The following HNRNPR variants were observed in gnomAD, a reference collection of about 807,000 sequenced individuals.
HNRNPR encodes the protein heterogeneous nuclear ribonucleoprotein R.
In HNRNPR, 4 loss-of-function variants were observed where a neutral mutation model predicts 70.3. The observed-to-expected ratio is 0.06, with a 90% CI of 0.03 to 0.13. The LOEUF is 0.13. Ranked by LOEUF, HNRNPR falls within the 10% of genes least tolerant of loss-of-function variation. The pLI is 1.00. For synonymous variants in HNRNPR, 241 were observed against 267.6 expected, an observed-to-expected ratio of 0.90 and a Z score of 0.97; for missense variants, 423 against 788.5, an observed-to-expected ratio of 0.54 and a Z score of 5.55.
rs1645224692 is a variant in HNRNPR at position 23,307,756 on chromosome 1, C to G, written c.*2698G>C. The G allele has an allele frequency of 6.6e-6, 1 of 151,952 alleles. No individual in the cohort carries two copies. The highest frequency in any genetic ancestry group is 1.5e-5 in the Non-Finnish European group (1 of 67,910). 9.4% of individuals were successfully genotyped at this position (151,952 alleles called of 1,614,324 possible). A position where few individuals can be genotyped will look rare whatever the true frequency, so the allele number is the denominator to read the frequency against. ...TGTATCGGTCTCACCAGGGTACCTA[C>G]AAAGAATAGCTCTATACCTCAATAT... On this transcript the variant is annotated 3_prime_UTR_variant, in exon 11 of 11. Coordinates refer to ENST00000302271, the MANE Select transcript of HNRNPR (RefSeq NM_005826.5).
At chr1:23,315,902 T>C (rs1385902048) in intron 8 of HNRNPR, among the ~76,000 whole-genome samples, 5 of 152,296 alleles carry the variant, frequency 3.3e-5, no homozygotes, top group South Asian at 4.1e-4. Flanking sequence ...ACTGGTTTAG[T>C]TGCTTTTTAA....
At chr1:23,327,995 CAAAAA>C (rs11345105) in intron 5 of HNRNPR, among the ~76,000 whole-genome samples, 1 of 118,762 alleles carries the variant, frequency 8.4e-6, no homozygotes, top group African/African-American at 3.2e-5. Flanking sequence ...GACTCTGTCT[CAAAAA>C]AAAAAAAAAA....
rs530979467 is a variant in HNRNPR at position 23,305,417 on chromosome 1, G to T, written c.*5037C>A. 1 of 152,116 alleles carries T rather than the reference G, an allele frequency of 6.6e-6. No individual in the cohort carries two copies. Among genetic ancestry groups the T allele is most frequent in the South Asian group, 2.1e-4 (1 of 4,828 alleles). 9.4% of individuals were successfully genotyped at this position (152,116 alleles called of 1,614,324 possible). On this transcript the variant is annotated 3_prime_UTR_variant, in exon 11 of 11. Coordinates refer to ENST00000302271, the MANE Select transcript of HNRNPR (RefSeq NM_005826.5). ...GTCTATAGCAAACTTACAAGTAAGG[G>T]TTTATATTCATGACACTGACTAGCA...
chr1:23,335,056 T>C (rs1646412004), intron 4 of HNRNPR, among the ~76,000 whole-genome samples: 1 of 152,154 alleles, frequency 6.6e-6, no homozygotes, highest in Non-Finnish European at 1.5e-5. Flanking sequence ...TAGCTGGGAC[T>C]ACAGGCGCCT....
chr1:23,330,292 T>G (rs964193792), intron 5 of HNRNPR, among the ~76,000 whole-genome samples: 1 of 150,550 alleles, frequency 6.6e-6, no homozygotes, highest in Non-Finnish European at 1.5e-5. Context: ...ATCCCAGCAC[T>G]TTGGGAGGCC....
intron 8 of HNRNPR, 38 bp from the exon 9 acceptor site, chr1:23,313,740 C>A (rs1443743470): frequency 6.3e-7 from 1 of 1,582,222 alleles, no homozygotes; most frequent in African/African-American, 1.4e-5. Flanking sequence ...TCATTGGCTA[C>A]TTAATTTTAC....
At chr1:23,324,623 T>G (rs1645891229) in intron 5 of HNRNPR, among the ~76,000 whole-genome samples, 1 of 152,096 alleles carries the variant, frequency 6.6e-6, no homozygotes, top group Non-Finnish European at 1.5e-5. Context: ...GAAACTCCAG[T>G]GCTTCAATCT....
chr1:23,316,417 C>G (rs1300371344), intron 8 of HNRNPR, among the ~76,000 whole-genome samples: 6 of 152,052 alleles, frequency 3.9e-5, no homozygotes, highest in Admixed American at 3.9e-4. Flanking sequence ...AAAGGAGTTA[C>G]CAGAATGAAA....
chr1:23,313,732 A>C, intron 8 of HNRNPR, 30 bp from the exon 9 acceptor site: 1 of 1,589,780 alleles, frequency 6.3e-7, no homozygotes, highest in Non-Finnish European at 8.5e-7. Flanking sequence ...CAAAACCGTC[A>C]TTGGCTACTT....
intron 4 of HNRNPR, among the ~76,000 whole-genome samples, chr1:23,336,440 C>T (rs886183739): frequency 1.5e-4 from 22 of 151,698 alleles, no homozygotes; most frequent in Non-Finnish European, 2.5e-4. Context: ...GGCATGGTAG[C>T]AGGCACCTGT....
rs994551685 is a variant in HNRNPR at position 23,308,462 on chromosome 1, T to C, written c.*1992A>G. The C allele has an allele frequency of 4.6e-5, 7 of 152,218 alleles. No homozygotes were observed. The East Asian group carries it at 1.3e-3, about 29-fold the overall frequency. 9.4% of individuals were successfully genotyped at this position (152,218 alleles called of 1,614,324 possible). Reference sequence around the variant, plus strand: ...TACTTAAGTCTAATTAGATGTATAGTTACAACTTCAAATTGTACTTTCAAA... The same window carrying C: ...TACTTAAGTCTAATTAGATGTATAGCTACAACTTCAAATTGTACTTTCAAA... On this transcript the variant is annotated 3_prime_UTR_variant, in exon 11 of 11. Coordinates refer to ENST00000302271, the MANE Select transcript of HNRNPR (RefSeq NM_005826.5).
intron 10 of HNRNPR, 23 bp downstream of exon 10, chr1:23,311,178 T>C (rs556295229): frequency 6.2e-7 from 1 of 1,613,062 alleles, no homozygotes; most frequent in African/African-American, 1.3e-5. Context: ...TCCAAAGATA[T>C]ATCTACTAAA....
intron 4 of HNRNPR, among the ~76,000 whole-genome samples, chr1:23,336,053 C>A (rs1646464731): frequency 2.1e-5 from 3 of 139,576 alleles, no homozygotes; most frequent in Non-Finnish European, 3.1e-5. Flanking sequence ...GGAGGCGGAG[C>A]TTGCAGTGAG....
At position 23,323,496 on chromosome 1, in the gene HNRNPR, G is replaced by T. The variant is rs935414018; in HGVS notation, c.675+60C>A. 24 of 1,451,232 alleles carry T rather than the reference G, an allele frequency of 1.7e-5. No individual in the cohort carries two copies. The African/African-American group carries it at 2.3e-4, about 14-fold the overall frequency. 89.9% of individuals were successfully genotyped at this position (1,451,232 alleles called of 1,614,324 possible). A position where few individuals can be genotyped will look rare whatever the true frequency, so the allele number is the denominator to read the frequency against. On this transcript the variant is annotated intron_variant, in intron 6 of 10. Coordinates refer to ENST00000302271, the MANE Select transcript of HNRNPR (RefSeq NM_005826.5). Reference sequence around the variant, plus strand: ...AATAATGTTAACTACAAACATTTTTGAATTAAAGTTTATTTCCTCAAATAG... The same window carrying T: ...AATAATGTTAACTACAAACATTTTTTAATTAAAGTTTATTTCCTCAAATAG...
chr1:23,340,161 G>C lies in HNRNPR; in HGVS notation c.157+691C>G, dbSNP rs533589147. ...ACAGAGGAAGAAAGTTTCCATCTATGTCCCCAAAGGAGGAGGACACATTCA... is the reference window on the plus strand; with the variant it reads ...ACAGAGGAAGAAAGTTTCCATCTATCTCCCCAAAGGAGGAGGACACATTCA... On this transcript the variant is annotated intron_variant, in intron 2 of 10. Transcript: ENST00000302271. Among the ~76,000 whole-genome samples, 5 of 152,120 alleles carry C rather than the reference G, an allele frequency of 3.3e-5. No individual in the cohort carries two copies. The East Asian group carries it at 9.6e-4, about 29-fold the overall frequency.
chr1:23,331,332 T>C (rs1557899980), intron 5 of HNRNPR, among the ~76,000 whole-genome samples: 1 of 145,588 alleles, frequency 6.9e-6, no homozygotes, highest in Admixed American at 7.1e-5. Context: ...GAGACCAAAG[T>C]GGGAAGATCA....
In HNRNPR at chr1:23,305,589, T is replaced by G. The variant is rs571534550; in HGVS notation, c.*4865A>C. 3.6e-4 allele frequency: 55 copies of G among 152,292 alleles called. No individual in the cohort carries two copies. Among genetic ancestry groups the G allele is most frequent in the African/African-American group, 1.3e-3 (53 of 41,572 alleles). 9.4% of individuals were successfully genotyped at this position (152,292 alleles called of 1,614,324 possible). A position where few individuals can be genotyped will look rare whatever the true frequency, so the allele number is the denominator to read the frequency against. The stretch of plus-strand genomic sequence containing the variant: ...GTTTATACCATATTACAATTATTTT[T>G]TATATGGTATGGTCAGAAATGCCTA... On this transcript the variant is annotated 3_prime_UTR_variant, in exon 11 of 11. Coordinates refer to ENST00000302271, the MANE Select transcript of HNRNPR (RefSeq NM_005826.5).
At chr1:23,336,808 G>A (rs1300403266) in intron 4 of HNRNPR, among the ~76,000 whole-genome samples, 1 of 150,072 alleles carries the variant, frequency 6.7e-6, no homozygotes, top group Admixed American at 6.6e-5. Flanking sequence ...ACTACAGCAA[G>A]ACACGAGTAT....
At chr1:23,343,468 G>A (rs892717619) in intron 1 of HNRNPR, among the ~76,000 whole-genome samples, 1 of 152,198 alleles carries the variant, frequency 6.6e-6, no homozygotes, top group Admixed American at 6.5e-5. Flanking sequence ...AACCTTCCAA[G>A]AAGCCCTGGG....
Sources: gnomAD v4.1 joint callset for allele counts (sites outside exome capture counted in the v4.1 genomes callset) on GRCh38, gnomAD v4.1.1 for gene constraint, MANE v1.5 for transcripts, NCBI Gene and HGNC (gene_info 2026-07-23, HGNC 2026-07-21) for gene names.